Variants in GRIN3A observed in about 807,000 individuals in gnomAD.
GRIN3A encodes the protein glutamate receptor ionotropic, NMDA 3A.
In GRIN3A, 47 loss-of-function variants were observed where a neutral mutation model predicts 92.4. The observed-to-expected ratio is 0.51, with a 90% CI of 0.40 to 0.65. The LOEUF (loss-of-function observed/expected upper bound fraction) is 0.65, where lower values mean the gene tolerates loss of function less well. GRIN3A is among the 30% of genes least tolerant of loss of function. GRIN3A has a pLI of 0.00. For synonymous variants in GRIN3A, 527 were observed against 540.6 expected (o/e 0.97, Z 0.35); for missense variants, 1,324 against 1,393.1 (o/e 0.95, Z 0.79).
intron 6 of GRIN3A, among the ~76,000 whole-genome samples, chr9:101,601,974 C>T (rs1240880518): frequency 6.6e-6 from 1 of 152,110 alleles, no homozygotes; most frequent in African/African-American, 2.4e-5. Flanking sequence ...CCCATAACAC[C>T]TAGGCTGAAG....
chr9:101,617,647 GTT>G (rs1453600705), intron 5 of GRIN3A, among the ~76,000 whole-genome samples: 1 of 151,288 alleles, frequency 6.6e-6, no homozygotes, highest in African/African-American at 2.4e-5. Context: ...GTGTGTGTGT[GTT>G]TTTCTTTTAT....
chr9:101,583,446 A>T (rs1404040539), intron 6 of GRIN3A, among the ~76,000 whole-genome samples: 1 of 152,186 alleles, frequency 6.6e-6, no homozygotes, highest in Non-Finnish European at 1.5e-5. Flanking sequence ...ACATTGTTTA[A>T]ATGTGCTGTG....
intron 1 of GRIN3A, among the ~76,000 whole-genome samples, chr9:101,734,424 T>A (rs1830175683): frequency 6.6e-6 from 1 of 152,126 alleles, no homozygotes; most frequent in Non-Finnish European, 1.5e-5. Context: ...CTATGTTTAA[T>A]GTTTTATTAA....
chr9:101,575,666 T>A (rs184481653), intron 8 of GRIN3A, among the ~76,000 whole-genome samples: 6 of 152,348 alleles, frequency 3.9e-5, no homozygotes, highest in Non-Finnish European at 7.4e-5. Context: ...CCCATGTTAA[T>A]AATTCATTCA....
At chr9:101,700,548 C>T (rs1478829548) in intron 1 of GRIN3A, among the ~76,000 whole-genome samples, 2 of 152,112 alleles carry the variant, frequency 1.3e-5, no homozygotes, top group Non-Finnish European at 2.9e-5. Context: ...GTGTGTCCTT[C>T]ATTTACTTTA....
chr9:101,573,967 G>A (rs752148272), intron 8 of GRIN3A, among the ~76,000 whole-genome samples: 4 of 151,856 alleles, frequency 2.6e-5, no homozygotes, highest in Non-Finnish European at 5.9e-5. Flanking sequence ...TCATAACATG[G>A]CTCATCCTTA....
chr9:101,724,128 T>C (rs111427882), intron 1 of GRIN3A, among the ~76,000 whole-genome samples: 83 of 152,244 alleles, frequency 5.5e-4, no homozygotes, highest in African/African-American at 2.0e-3. Context: ...TCCTCAGCCC[T>C]TGGGTGGTCG....
intron 1 of GRIN3A, among the ~76,000 whole-genome samples, chr9:101,736,638 A>G (rs1389866852): frequency 6.6e-6 from 1 of 152,136 alleles, no homozygotes; most frequent in Non-Finnish European, 1.5e-5. Context: ...CCATCTTTAC[A>G]CTTTTATATA....
At chr9:101,722,758 G>A (rs1350099066) in intron 1 of GRIN3A, among the ~76,000 whole-genome samples, 4 of 152,108 alleles carry the variant, frequency 2.6e-5, no homozygotes, top group Non-Finnish European at 5.9e-5. Flanking sequence ...CATATAGAAC[G>A]GCTGTATTTA....
intron 6 of GRIN3A, among the ~76,000 whole-genome samples, chr9:101,611,897 G>A (rs1187060009): frequency 6.6e-6 from 1 of 152,184 alleles, no homozygotes; most frequent in African/African-American, 2.4e-5. Context: ...TAATATAAAG[G>A]ATTCAGCTGA....
chr9:101,657,692 G>C (rs1829107830), intron 3 of GRIN3A, among the ~76,000 whole-genome samples: 1 of 151,978 alleles, frequency 6.6e-6, no homozygotes, highest in Middle Eastern at 3.2e-3. Flanking sequence ...GGTGGCAGGA[G>C]AGTGGGGCAG....
intron 2 of GRIN3A, among the ~76,000 whole-genome samples, chr9:101,675,670 T>A (rs925170848): frequency 6.6e-6 from 1 of 151,630 alleles, no homozygotes; most frequent in South Asian, 2.1e-4. Flanking sequence ...AGGAGGGGTT[T>A]TTTTTTTGTA....
intron 3 of GRIN3A, among the ~76,000 whole-genome samples, chr9:101,638,609 T>C (rs1401465571): frequency 1.3e-5 from 2 of 152,214 alleles, no homozygotes; most frequent in African/African-American, 2.4e-5. Flanking sequence ...TTAATAACCA[T>C]AATGGTGATG....
In GRIN3A at chr9:101,573,448, C is replaced by T. The variant is rs780600553; in HGVS notation, c.3074G>A (p.Arg1025Gln). The T allele has an allele frequency of 1.2e-5, 19 of 1,613,858 alleles. No homozygotes were observed. The highest frequency in any genetic ancestry group is 6.7e-5 in the Admixed American group (4 of 59,984). The change falls in exon 9 of 9, where the codon CGG becomes CAG. Residue 1025 changes from arginine to glutamine, a missense_variant. Arg to Gln is a conservative substitution (Grantham distance 43). Transcript: ENST00000361820. Reference protein sequence around the residue: ...NTSNLSHDNRRKYIFSDEEGQ... With the variant: ...NTSNLSHDNRQKYIFSDEEGQ... Reference sequence around the variant, plus strand: ...TTCCTCATCACTAAAGATGTATTTCCGTCGGTTGTCATGACTCAGATTGGA... The same window carrying T: ...TTCCTCATCACTAAAGATGTATTTCTGTCGGTTGTCATGACTCAGATTGGA...
intron 2 of GRIN3A, among the ~76,000 whole-genome samples, chr9:101,684,644 G>A (rs993203814): frequency 6.6e-6 from 1 of 152,104 alleles, no homozygotes; most frequent in Non-Finnish European, 1.5e-5. Flanking sequence ...TAAATCTTGA[G>A]GAGCCAGAAA....
intron 1 of GRIN3A, among the ~76,000 whole-genome samples, chr9:101,691,791 GA>G (rs1449024922): frequency 6.6e-6 from 1 of 152,174 alleles, no homozygotes; most frequent in Non-Finnish European, 1.5e-5. Context: ...CCTCTTTTGA[GA>G]AGCAGTATAG....
intron 3 of GRIN3A, among the ~76,000 whole-genome samples, chr9:101,651,390 A>G (rs1829013043): frequency 6.6e-6 from 1 of 152,042 alleles, no homozygotes. Flanking sequence ...ATATGATGTG[A>G]TAGAAAGTCA....
rs1298088256 is a variant in GRIN3A, at chr9:101,573,289, TC to T, written c.3232del (p.Glu1078AsnfsTer11). 4 of 1,614,088 alleles carry T rather than the reference TC, an allele frequency of 2.5e-6. No individual in the cohort carries two copies. The highest frequency in any genetic ancestry group is 3.4e-6 in the Non-Finnish European group (4 of 1,179,970). On this transcript the variant is annotated frameshift_variant, in exon 9 of 9. Coordinates refer to ENST00000361820, the MANE Select transcript of GRIN3A (RefSeq NM_133445.3). LOFTEE classifies it high-confidence loss of function. ...AATCTGCTTCTCGAGCTCTGAGAGTTCCTGCATCACTGAGTTCCGAGATACA... is the reference window on the plus strand; with the variant it reads ...AATCTGCTTCTCGAGCTCTGAGAGTTCTGCATCACTGAGTTCCGAGATACA... ...LNVSRNSVMQ[E>X]LSELEKQIQV...
intron 6 of GRIN3A, among the ~76,000 whole-genome samples, chr9:101,585,355 A>G (rs957718165): frequency 6.6e-6 from 1 of 152,120 alleles, no homozygotes; most frequent in Non-Finnish European, 1.5e-5. Context: ...AGCTACACTC[A>G]TGTTCTCATT....
Sources: allele counts gnomAD v4.1 joint callset (sites outside exome capture counted in the v4.1 genomes callset), GRCh38; gene constraint gnomAD v4.1.1; transcripts MANE v1.5; gene names NCBI Gene and HGNC (gene_info 2026-07-23, HGNC 2026-07-21).